The following THAP10 variants were observed in gnomAD, a reference collection of about 807,000 sequenced individuals.
The protein encoded by THAP10 is THAP domain containing 10.
THAP10 carries 10 observed loss-of-function variants against 15.7 expected under a neutral mutation model. That is an observed-to-expected ratio of 0.64 (90% CI 0.39 to 1.08). The LOEUF (loss-of-function observed/expected upper bound fraction) is 1.08. Among genes scored for constraint, THAP10 ranks in the 50% least tolerant of loss-of-function variants. The probability of loss-of-function intolerance (pLI) is 0.01; values close to 1 mark genes in which losing one functional copy is unlikely to be tolerated. For synonymous variants in THAP10, 127 were observed against 129.1 expected, an observed-to-expected ratio of 0.98 and a Z score of 0.11; for missense variants, 310 against 330.9, an observed-to-expected ratio of 0.94 and a Z score of 0.49.
chr15:70,888,706 A>G (rs777821290), intron 1 of THAP10, among the ~76,000 whole-genome samples: 1 of 152,198 alleles, frequency 6.6e-6, no homozygotes, highest in Non-Finnish European at 1.5e-5. Flanking sequence ...AGATAAAAAC[A>G]TTTAACTGAA....
In THAP10 at chr15:70,882,642, C is replaced by T. The variant is rs2033293448; in HGVS notation, c.586G>A (p.Ala196Thr). 1.2e-6 allele frequency: 2 copies of T among 1,613,644 alleles called. No individual in the cohort carries two copies. Among genetic ancestry groups the T allele is most frequent in the Admixed American group, 3.3e-5 (2 of 59,964 alleles). ...RPRHRSVGIQAKVKAFGKRLC... is the reference protein window; with the variant it reads ...RPRHRSVGIQTKVKAFGKRLC... ...CTTTTTCCAAACGCTTTCACTTTGG[C>T]TTGAATACCTGAAAGAGAATAAGCA... The change falls in exon 3 of 3, where the codon GCC (alanine) becomes ACC (threonine). Residue 196 changes from alanine to threonine, a missense_variant. Coordinates refer to ENST00000249861, the MANE Select transcript of THAP10 (RefSeq NM_020147.4).
chr15:70,884,825 T>C (rs937762673), intron 1 of THAP10, among the ~76,000 whole-genome samples: 2 of 152,118 alleles, frequency 1.3e-5, no homozygotes, highest in South Asian at 2.1e-4. Context: ...ACTGCAAAAA[T>C]TTGCACCATA....
intron 1 of THAP10, 102 bp from the exon 2 acceptor site, chr15:70,883,010 G>T: frequency 8.4e-7 from 1 of 1,191,744 alleles, no homozygotes; most frequent in Non-Finnish European, 1.2e-6. Flanking sequence ...AAAATTTTCA[G>T]TCACATATTA....
At chr15:70,885,485 G>A (rs2033382323) in intron 1 of THAP10, among the ~76,000 whole-genome samples, 1 of 152,074 alleles carries the variant, frequency 6.6e-6, no homozygotes, top group South Asian at 2.1e-4. Context: ...GCAGCCAGAG[G>A]AAAAAAGATA....
intron 1 of THAP10, among the ~76,000 whole-genome samples, chr15:70,886,402 T>C (rs2033408248): frequency 6.6e-6 from 1 of 152,006 alleles, no homozygotes; most frequent in Non-Finnish European, 1.5e-5. Context: ...ACATTCACCA[T>C]AAAAATTCTG....
chr15:70,883,358 A>T (rs1013535005), intron 1 of THAP10, among the ~76,000 whole-genome samples: 1 of 151,734 alleles, frequency 6.6e-6, no homozygotes, highest in African/African-American at 2.4e-5. Flanking sequence ...CGCCCAGCTA[A>T]TTTTTTTGTA....
At chr15:70,884,868 T>A (rs995680307) in intron 1 of THAP10, among the ~76,000 whole-genome samples, 2 of 152,198 alleles carry the variant, frequency 1.3e-5, no homozygotes, top group African/African-American at 4.8e-5. Context: ...AAATTAGTCA[T>A]AATCTCACAA....
chr15:70,891,769 CCAAGGTG>C lies in THAP10; in HGVS notation c.429+68_429+74del, dbSNP rs1387397511. The C allele has an allele frequency of 5.2e-6, 7 of 1,357,590 alleles. No individual in the cohort carries two copies. The African/African-American group carries it at 7.3e-5, about 14-fold the overall frequency. The allele number at this position is 1,357,590 out of a possible 1,614,324, so 84.1% of individuals were successfully genotyped here. On this transcript the variant is annotated intron_variant, in intron 1 of 2. Transcript: ENST00000249861. Reference sequence around the variant, plus strand: ...GAACTTTCGAGATGAGGTGCCTTTCCCAAGGTGACACTAAGTGGAGGAGCCCAGCCAG... The same window carrying C: ...GAACTTTCGAGATGAGGTGCCTTTCCACACTAAGTGGAGGAGCCCAGCCAG...
At chr15:70,891,763 C>A (rs1034331920) in intron 1 of THAP10, 81 bp downstream of exon 1, 4 of 1,288,772 alleles carry the variant, frequency 3.1e-6, no homozygotes, top group Admixed American at 2.8e-5. Flanking sequence ...AGATGAGGTG[C>A]CTTTCCCAAG....
Position 70,892,328 on chromosome 15 carries a change from C to G in THAP10, c.-56G>C. On this transcript the variant is annotated 5_prime_UTR_variant, in exon 1 of 3. Transcript: ENST00000249861. ...TTCCCTGGACCTTCGCCCTTGGGCA[C>G]GCTCCTCGCAGCGGCCTCGGCGAGG... The G allele has an allele frequency of 6.5e-7, 1 of 1,549,596 alleles. No individual in the cohort carries two copies. Among genetic ancestry groups the G allele is most frequent in the Non-Finnish European group, 8.7e-7 (1 of 1,146,874 alleles).
intron 1 of THAP10, among the ~76,000 whole-genome samples, chr15:70,886,738 C>T (rs1474780760): frequency 6.6e-6 from 1 of 152,104 alleles, no homozygotes; most frequent in African/African-American, 2.4e-5. Context: ...CGGTGGCAGG[C>T]ACCTGTAATC....
At position 70,891,940 on chromosome 15, in the gene THAP10, C is replaced by A. The variant is rs761596117; in HGVS notation, c.333G>T (p.Thr111=). ...GCCTGGCTGCCTGGAGCTCTCCTCGCGTGTCCAGGCGGCCTGCTTGGTCTC... is the reference window on the plus strand; with the variant it reads ...GCCTGGCTGCCTGGAGCTCTCCTCGAGTGTCCAGGCGGCCTGCTTGGTCTC... ...EEGDQAGRLD[T]RGELQAARHS... Residue 111 remains threonine, a synonymous_variant, in exon 1 of 3, where the codon ACG becomes ACT. Coordinates refer to ENST00000249861, the MANE Select transcript of THAP10 (RefSeq NM_020147.4). 6.2e-7 allele frequency: 1 copy of A among 1,613,652 alleles called. No homozygotes were observed. Among genetic ancestry groups the A allele is most frequent in the South Asian group, 1.1e-5 (1 of 90,944 alleles).
rs767647965 is a variant in THAP10 at position 70,892,179 on chromosome 15, G to T, written c.94C>A (p.Leu32Ile). The T allele has an allele frequency of 8.7e-6, 14 of 1,610,364 alleles. No individual in the cohort carries two copies. The highest frequency in any genetic ancestry group is 1.2e-5 in the Non-Finnish European group (14 of 1,178,596). The change falls in exon 1 of 3, where the codon CTC (leucine) becomes ATC (isoleucine). Residue 32 changes from leucine to isoleucine, a missense_variant. Transcript: ENST00000249861. ...RFPKDRAVRL[L>I]WDRFVRGCRA... ...CAACCCCGCACGAAGCGGTCCCAGA[G>T]CAGCCGCACGGCCCGGTCCTTGGGA...
Position 70,881,691 on chromosome 15 carries a change from C to A in THAP10, c.*763G>T, listed in dbSNP as rs2033267608. 1 of 152,090 alleles carries A rather than the reference C, an allele frequency of 6.6e-6. No individual in the cohort carries two copies. The highest frequency in any genetic ancestry group is 1.5e-5 in the Non-Finnish European group (1 of 68,012). The allele number at this position is 152,090 out of a possible 1,614,324, so 9.4% of individuals were successfully genotyped here. The stretch of plus-strand genomic sequence containing the variant: ...AAGAGAGGTGTTGACAGAAAAAATA[C>A]CTAACACCTGCAATGGGAATACGTT... On this transcript the variant is annotated 3_prime_UTR_variant, in exon 3 of 3. Transcript: ENST00000249861.
intron 1 of THAP10, among the ~76,000 whole-genome samples, chr15:70,889,306 A>G (rs1396448568): frequency 6.6e-6 from 1 of 152,316 alleles, no homozygotes; most frequent in African/African-American, 2.4e-5. Context: ...AATGTTGAAC[A>G]AAAGAAGCCA....
In THAP10 at chr15:70,882,343, T is replaced by TA. The variant is rs2033283342; in HGVS notation, c.*110dup. On this transcript the variant is annotated 3_prime_UTR_variant, in exon 3 of 3. Transcript: ENST00000249861. ...CTTAGAGCTAAACAAATTATGCTGA[T>TA]ACTCAACTGTCAAATTATCTTGAAG... 5.0e-6 allele frequency: 5 copies of TA among 1,008,006 alleles called. No individual in the cohort carries two copies. In the South Asian group the frequency reaches 8.4e-5, roughly 17 times the overall value. 62.4% of individuals were successfully genotyped at this position (1,008,006 alleles called of 1,614,324 possible). A position where few individuals can be genotyped will look rare whatever the true frequency, so the allele number is the denominator to read the frequency against.
chr15:70,882,170 T>C lies in THAP10; in HGVS notation c.*284A>G. 1 of 297,040 alleles carries C rather than the reference T, an allele frequency of 3.4e-6. No individual in the cohort carries two copies. Among genetic ancestry groups the C allele is most frequent in the Non-Finnish European group, 6.2e-6 (1 of 161,042 alleles). The allele number at this position is 297,040 out of a possible 1,614,324, so 18.4% of individuals were successfully genotyped here. A position where few individuals can be genotyped will look rare whatever the true frequency, so the allele number is the denominator to read the frequency against. Reference sequence around the variant, plus strand: ...ACAAATATTCAATGCTTAATTTTGATTAGGAAGTGTTGCTGATATTGTGGT... The same window carrying C: ...ACAAATATTCAATGCTTAATTTTGACTAGGAAGTGTTGCTGATATTGTGGT... On this transcript the variant is annotated 3_prime_UTR_variant, in exon 3 of 3. Coordinates refer to ENST00000249861, the MANE Select transcript of THAP10 (RefSeq NM_020147.4).
chr15:70,886,585 C>T (rs550021275), intron 1 of THAP10, among the ~76,000 whole-genome samples: 5 of 152,064 alleles, frequency 3.3e-5, no homozygotes, highest in Non-Finnish European at 5.9e-5. Context: ...ATTGATAAAC[C>T]GGTGGGGTGC....
rs778127648 is a variant in THAP10 at position 70,891,978 on chromosome 15, T to TCTTA, written c.291_294dup (p.Arg99Ter). 5.0e-6 allele frequency: 8 copies of TCTTA among 1,613,304 alleles called. No homozygotes were observed. Among genetic ancestry groups the TCTTA allele is most frequent in the African/African-American group, 1.3e-5 (1 of 74,896 alleles). ...CCTGCTTGGTCTCCCTCCTCTCCCC[T>TCTTA]CTTAGGTGCCGGGGCGGGCACCCGG... On this transcript the variant is annotated stop_gained and frameshift_variant, in exon 1 of 3. Transcript: ENST00000249861. LOFTEE classifies it high-confidence loss of function.
Sources: allele counts gnomAD v4.1 joint callset (sites outside exome capture counted in the v4.1 genomes callset), GRCh38; gene constraint gnomAD v4.1.1; transcripts MANE v1.5; gene names NCBI Gene and HGNC (gene_info 2026-07-23, HGNC 2026-07-21).